IQGAP2: variants seen among roughly 807,000 people sequenced by gnomAD.
The protein encoded by IQGAP2 is ras GTPase-activating-like protein IQGAP2.
A neutral mutation model predicts 201.3 loss-of-function variants in IQGAP2; 173 were observed. The observed-to-expected ratio is 0.86, with a 90% CI of 0.76 to 0.98. The LOEUF (loss-of-function observed/expected upper bound fraction) is 0.98, where lower values mean the gene tolerates loss of function less well. Ranked by LOEUF, IQGAP2 falls within the 50% of genes least tolerant of loss-of-function variation. The pLI is 0.00. For missense variants in IQGAP2, 1,687 were observed against 1,864.8 expected, an observed-to-expected ratio of 0.90 and a Z score of 1.76; for synonymous variants, 675 against 673.9, an observed-to-expected ratio of 1.00 and a Z score of -0.03.
At chr5:76,607,533 T>A (rs1747899872) in intron 12 of IQGAP2, 1 of 152,256 alleles carries the variant, frequency 6.6e-6, no homozygotes, top group South Asian at 2.1e-4. Flanking sequence ...TGCCTCTGCA[T>A]TTCCTTTCAG....
intron 22 of IQGAP2, among the ~76,000 whole-genome samples, chr5:76,666,622 C>T (rs923371722): frequency 6.6e-6 from 1 of 152,238 alleles, no homozygotes; most frequent in African/African-American, 2.4e-5. Flanking sequence ...AGTGAACTCT[C>T]TCTTGAAATC....
intron 1 of IQGAP2, among the ~76,000 whole-genome samples, chr5:76,450,163 G>A (rs921864287): frequency 1.3e-5 from 2 of 152,144 alleles, no homozygotes; most frequent in African/African-American, 2.4e-5. Context: ...TTTCCCATGA[G>A]AGAGCTGTTC....
chr5:76,425,751 T>C (rs1047909690), intron 1 of IQGAP2, among the ~76,000 whole-genome samples: 1 of 152,226 alleles, frequency 6.6e-6, no homozygotes, highest in African/African-American at 2.4e-5. Flanking sequence ...GTAGACATTG[T>C]TGATGGGATG....
intron 2 of IQGAP2, among the ~76,000 whole-genome samples, chr5:76,560,318 CT>C (rs34182814): frequency 0.11 from 14,230 of 133,264 alleles, 1,086 homozygotes; most frequent in East Asian, 0.45. Flanking sequence ...ATGCCTGGCT[CT>C]TTTTTTTTTT....
intron 2 of IQGAP2, among the ~76,000 whole-genome samples, chr5:76,538,103 A>G (rs1399524116): frequency 6.6e-6 from 1 of 152,246 alleles, no homozygotes; most frequent in Non-Finnish European, 1.5e-5. Flanking sequence ...AGGCCTCACA[A>G]TCACGGCAGA....
At chr5:76,589,962 C>T (rs1000002766) in intron 7 of IQGAP2, among the ~76,000 whole-genome samples, 2 of 152,230 alleles carry the variant, frequency 1.3e-5, no homozygotes, top group African/African-American at 4.8e-5. Context: ...GAAATACCTT[C>T]ATTGTCCATA....
chr5:76,410,278 G>A (rs1207498627), intron 1 of IQGAP2, among the ~76,000 whole-genome samples: 2 of 152,168 alleles, frequency 1.3e-5, no homozygotes, highest in Non-Finnish European at 2.9e-5. Flanking sequence ...CCTGAAAGGC[G>A]TGCTAGTATA....
At chr5:76,693,179 TAA>T (rs1285882883) in intron 30 of IQGAP2, among the ~76,000 whole-genome samples, 174 bp from the exon 31 acceptor site, 1 of 152,274 alleles carries the variant, frequency 6.6e-6, no homozygotes, top group Admixed American at 6.5e-5. Context: ...CAAGCATTCA[TAA>T]ACTTTCAGGA....
chr5:76,642,181 A>C (rs1286740504), intron 17 of IQGAP2, among the ~76,000 whole-genome samples: 1 of 152,168 alleles, frequency 6.6e-6, no homozygotes, highest in Non-Finnish European at 1.5e-5. Context: ...AGTCATCTAC[A>C]CTGATGAGAC....
At chr5:76,593,618 T>C in intron 9 of IQGAP2, among the ~76,000 whole-genome samples, 1 of 152,096 alleles carries the variant, frequency 6.6e-6, no homozygotes, top group East Asian at 1.9e-4. Flanking sequence ...CTATTTTTAC[T>C]TGAGCATCAG....
intron 30 of IQGAP2, among the ~76,000 whole-genome samples, chr5:76,692,609 A>C (rs6884442): frequency 0.17 from 26,632 of 152,224 alleles, 2,965 homozygotes; most frequent in South Asian, 0.37. Context: ...ATTGCCATAA[A>C]GAACACCTAT....
At chr5:76,444,309 G>GT (rs1753240186) in intron 1 of IQGAP2, among the ~76,000 whole-genome samples, 1 of 151,888 alleles carries the variant, frequency 6.6e-6, no homozygotes. Flanking sequence ...GTTTTGTTTT[G>GT]TTTTTTGAGA....
intron 13 of IQGAP2, chr5:76,618,035 A>T: frequency 6.2e-7 from 1 of 1,614,186 alleles, no homozygotes; most frequent in South Asian, 1.1e-5. Flanking sequence ...ATGGCAGCAT[A>T]TATAAGAAAA....
chr5:76,504,115 G>C (rs557268579), intron 2 of IQGAP2, among the ~76,000 whole-genome samples: 1 of 152,182 alleles, frequency 6.6e-6, no homozygotes, highest in Admixed American at 6.5e-5. Context: ...AGAGCATAGC[G>C]TGCTAACAAA....
chr5:76,600,268 T>C (rs1248510910), intron 10 of IQGAP2, among the ~76,000 whole-genome samples: 1 of 152,262 alleles, frequency 6.6e-6, no homozygotes, highest in Non-Finnish European at 1.5e-5. Flanking sequence ...TGGTAGTGTA[T>C]TTTAAAATTT....
At chr5:76,444,453 C>T (rs1753252277) in intron 1 of IQGAP2, among the ~76,000 whole-genome samples, 1 of 152,134 alleles carries the variant, frequency 6.6e-6, no homozygotes, top group Non-Finnish European at 1.5e-5. Context: ...TGCCCACTAC[C>T]ACACCTGGCT....
intron 32 of IQGAP2, among the ~76,000 whole-genome samples, chr5:76,696,457 G>C (rs906311939): frequency 7.9e-5 from 12 of 152,202 alleles, no homozygotes; most frequent in Non-Finnish European, 1.6e-4. Flanking sequence ...AACATCACAG[G>C]AAGTGGCTGA....
chr5:76,491,258 C>T (rs962623948), intron 2 of IQGAP2, among the ~76,000 whole-genome samples: 1 of 152,006 alleles, frequency 6.6e-6, no homozygotes, highest in African/African-American at 2.4e-5. Context: ...GTTTTGTTTG[C>T]TAAACCTTGA....
intron 2 of IQGAP2, among the ~76,000 whole-genome samples, chr5:76,507,779 A>T (rs1258113715): frequency 6.6e-6 from 1 of 152,226 alleles, no homozygotes; most frequent in Non-Finnish European, 1.5e-5. Flanking sequence ...TGGGAGGCTG[A>T]GGCAGGCGGA....
Sources: allele counts gnomAD v4.1 joint callset (sites outside exome capture counted in the v4.1 genomes callset), GRCh38; gene constraint gnomAD v4.1.1; transcripts MANE v1.5; gene names NCBI Gene and HGNC (gene_info 2026-07-23, HGNC 2026-07-21).